The following DNAH10 variants were observed in gnomAD, a reference collection of about 807,000 sequenced individuals.
DNAH10 encodes axonemal beta dynein heavy chain 10.
DNAH10 carries 348 observed loss-of-function variants against 506.6 expected under a neutral mutation model. That is an observed-to-expected ratio of 0.69 (90% CI 0.63 to 0.75). The LOEUF is 0.75. Among genes scored for constraint, DNAH10 ranks in the 30% least tolerant of loss-of-function variants. The probability of loss-of-function intolerance (pLI) is 0.00; values close to 1 mark genes in which losing one functional copy is unlikely to be tolerated. For missense variants in DNAH10, 5,179 were observed against 5,787.1 expected (o/e 0.89, Z 3.41); for synonymous variants, 2,059 against 2,198.6 (o/e 0.94, Z 1.78).
chr12:123,925,233 CT>C lies in DNAH10; in HGVS notation c.11921+32del, dbSNP rs766128344. The stretch of plus-strand genomic sequence containing the variant: ...AGTGTGTCGTTTTGTTGATTTGCCA[CT>C]TTCCGTGGGGTGGAATCTCTAGCGT... On this transcript the variant is annotated intron_variant, in intron 68 of 78. Coordinates refer to ENST00000673944, the MANE Select transcript of DNAH10 (RefSeq NM_001372106.1). This position sits in a 1 kb window ranked among gnomAD's most constrained non-coding sequence, Gnocchi z 4.0. 1 of 1,613,092 alleles carries C rather than the reference CT, an allele frequency of 6.2e-7. No individual in the cohort carries two copies. The highest frequency in any genetic ancestry group is 2.2e-5 in the East Asian group (1 of 44,866).
At position 123,918,903 on chromosome 12, in the gene DNAH10, C is replaced by T; in HGVS notation, c.11460C>T (p.Asn3820=). 1 of 1,613,820 alleles carries T rather than the reference C, an allele frequency of 6.2e-7. No individual in the cohort carries two copies. The highest frequency in any genetic ancestry group is 1.1e-5 in the South Asian group (1 of 91,060). The change falls in exon 65 of 79, where the codon AAC becomes AAT. Residue 3820 remains asparagine (N), a synonymous_variant. Transcript: ENST00000673944. The part of the protein sequence containing the change: ...PDSILMKRLR[N]IMDTLTFSIY... The stretch of plus-strand genomic sequence containing the variant: ...CCATCCTCATGAAACGCCTGAGGAA[C>T]ATCATGGACACGCTGACCTTCAGCA...
intron 57 of DNAH10, among the ~76,000 whole-genome samples, chr12:123,908,077 T>C (rs1351444088): frequency 7.6e-6 from 1 of 130,726 alleles, no homozygotes; most frequent in Non-Finnish European, 1.6e-5. Context: ...GTCTCCTCCC[T>C]GTCTCTCTGT....
chr12:123,931,431 G>C lies in DNAH10; in HGVS notation c.12875G>C (p.Arg4292Pro), dbSNP rs372325504. The change falls in exon 74 of 79, where the codon CGA (arginine) becomes CCA (proline). Residue 4292 changes from arginine to proline, a missense_variant. Transcript: ENST00000673944. ...AEIGYYTQAARDMWAHLLELQ... is the reference protein window; with the variant it reads ...AEIGYYTQAAPDMWAHLLELQ... Reference sequence around the variant, plus strand: ...ATTGGCTATTACACGCAGGCGGCTCGAGACATGTGGGCTCACCTGCTGGAG... The same window carrying C: ...ATTGGCTATTACACGCAGGCGGCTCCAGACATGTGGGCTCACCTGCTGGAG... 1 of 1,613,956 alleles carries C rather than the reference G, an allele frequency of 6.2e-7. No homozygotes were observed.
At position 123,930,151 on chromosome 12, in the gene DNAH10, T is replaced by A. The variant is rs1955139159; in HGVS notation, c.12613-251T>A. 5.8e-6 allele frequency: 3 copies of A among 518,030 alleles called. No homozygotes were observed. The East Asian group carries it at 9.3e-5, about 16-fold the overall frequency. 32.1% of individuals were successfully genotyped at this position (518,030 alleles called of 1,614,324 possible). Reference sequence around the variant, plus strand: ...GATGTGTTTGGGGGACTTTGCCTGCTGCACAGGAGCTCCCAACACTTCCTG... The same window carrying A: ...GATGTGTTTGGGGGACTTTGCCTGCAGCACAGGAGCTCCCAACACTTCCTG... On this transcript the variant is annotated intron_variant, in intron 72 of 78. Transcript: ENST00000673944.
chr12:123,915,952 A>G (rs570157480), intron 62 of DNAH10, among the ~76,000 whole-genome samples: 16 of 152,240 alleles, frequency 1.1e-4, no homozygotes, highest in African/African-American at 3.9e-4. Context: ...ATTATTTTCA[A>G]TTTAGCTTTT....
intron 27 of DNAH10, among the ~76,000 whole-genome samples, chr12:123,834,459 C>T (rs1035906562): frequency 4.6e-5 from 7 of 152,248 alleles, no homozygotes; most frequent in South Asian, 4.2e-4. Context: ...CTGCCCACCT[C>T]GGGCTCCCAA....
At chr12:123,791,973 C>T (rs189169367) in intron 11 of DNAH10, among the ~76,000 whole-genome samples, 14 of 152,048 alleles carry the variant, frequency 9.2e-5, no homozygotes, top group Admixed American at 3.9e-4. Context: ...TGTTGTTAAC[C>T]CCTATATTTT....
intron 1 of DNAH10, among the ~76,000 whole-genome samples, chr12:123,763,855 G>T (rs1224355398): frequency 1.3e-5 from 2 of 148,646 alleles, no homozygotes; most frequent in Non-Finnish European, 3.0e-5. Context: ...TAGCCATCTG[G>T]CACCTGGCCA....
intron 17 of DNAH10, among the ~76,000 whole-genome samples, chr12:123,804,147 T>C (rs573227508): frequency 6.6e-6 from 1 of 152,308 alleles, no homozygotes; most frequent in Admixed American, 6.5e-5. Context: ...CCACCTCATC[T>C]GCGAAAGCCT....
At chr12:123,827,630 C>T (rs376896732) in intron 25 of DNAH10, among the ~76,000 whole-genome samples, 3 of 152,150 alleles carry the variant, frequency 2.0e-5, no homozygotes, top group African/African-American at 4.8e-5. Flanking sequence ...CTCTATTCCT[C>T]GGTCATGTTT....
At chr12:123,910,063 A>G (rs1176055216) in intron 58 of DNAH10, among the ~76,000 whole-genome samples, 2 of 152,260 alleles carry the variant, frequency 1.3e-5, no homozygotes, top group Non-Finnish European at 2.9e-5. Context: ...CTCTTATCAA[A>G]TGCTTTTTCT....
chr12:123,892,911 G>A (rs1229181516), intron 52 of DNAH10, among the ~76,000 whole-genome samples: 1 of 152,186 alleles, frequency 6.6e-6, no homozygotes, highest in Non-Finnish European at 1.5e-5. Flanking sequence ...TTTCCTGGGG[G>A]CAAATCCCAG....
At position 123,830,715 on chromosome 12, in the gene DNAH10, A is replaced by C; in HGVS notation, c.4545+16A>C. 2.5e-6 allele frequency: 4 copies of C among 1,595,838 alleles called. No individual in the cohort carries two copies. Among genetic ancestry groups the C allele is most frequent in the Non-Finnish European group, 3.4e-6 (4 of 1,171,528 alleles). ...CATTGAGAAGGTAAGACTTCAGTTA[A>C]AAACAGGCTGGAGAAAACAGTCTTT... On this transcript the variant is annotated intron_variant, in intron 26 of 78. Coordinates refer to ENST00000673944, the MANE Select transcript of DNAH10 (RefSeq NM_001372106.1).
rs1260454159 is a variant in DNAH10, at chr12:123,813,303, A to G, written c.3284A>G (p.Gln1095Arg). 6.2e-7 allele frequency: 1 copy of G among 1,614,202 alleles called. No individual in the cohort carries two copies. The highest frequency in any genetic ancestry group is 8.5e-7 in the Non-Finnish European group (1 of 1,180,036). The change falls in exon 20 of 79, where the codon CAA becomes CGA. Residue 1095 changes from glutamine to arginine, a missense_variant. By Grantham distance (43) the Gln-to-Arg change is conservative. Transcript: ENST00000673944. ...ATTGAACAAGCTGTTATGATCCCCC[A>G]AAATGTCCACAGGATTCTGATCAAT... ...QIIEQAVMIPQNVHRILINLM... is the reference protein window; with the variant it reads ...QIIEQAVMIPRNVHRILINLM...
In DNAH10 at chr12:123,787,694, G is replaced by T. The variant is rs572265702; in HGVS notation, c.1422-110G>T. The T allele has an allele frequency of 8.9e-6, 12 of 1,349,604 alleles. No individual in the cohort carries two copies. Among genetic ancestry groups the T allele is most frequent in the African/African-American group, 2.9e-5 (2 of 68,092 alleles). 83.6% of individuals were successfully genotyped at this position (1,349,604 alleles called of 1,614,324 possible). ...TTTTCCGATGAGGCCGTGAAACCAG[G>T]GGGGGCGCCCGGGTCAGAGCTTCAC... On this transcript the variant is annotated intron_variant, in intron 9 of 78. Transcript: ENST00000673944. The surrounding 1 kb of genome is among the most constrained non-coding windows in gnomAD (Gnocchi z 4.6).
chr12:123,844,759 C>T (rs1950889726), intron 30 of DNAH10, among the ~76,000 whole-genome samples: 1 of 152,164 alleles, frequency 6.6e-6, no homozygotes, highest in South Asian at 2.1e-4. Flanking sequence ...CCACCTCAGC[C>T]TCCTGAATAG....
Position 123,902,639 on chromosome 12 carries a change from G to GC in DNAH10, c.9641-299dup, listed in dbSNP as rs1953576198. 6.6e-6 allele frequency among the ~76,000 whole-genome samples: 1 copy of GC among 152,182 alleles called. No homozygotes were observed. The highest frequency in any genetic ancestry group is 2.4e-5 in the African/African-American group (1 of 41,438). On this transcript the variant is annotated intron_variant, in intron 56 of 78. Transcript: ENST00000673944. This position sits in a 1 kb window ranked among gnomAD's most constrained non-coding sequence, Gnocchi z 4.5. ...ACCCCAGCATCCTCACTGAACACCGGCGAGGCAGGGCTGGGGGCTATCAGG... is the reference window on the plus strand; with the variant it reads ...ACCCCAGCATCCTCACTGAACACCGGCCGAGGCAGGGCTGGGGGCTATCAGG...
At chr12:123,807,731 AGAG>A (rs1259581603) in intron 18 of DNAH10, among the ~76,000 whole-genome samples, 1 of 147,302 alleles carries the variant, frequency 6.8e-6, no homozygotes, top group Non-Finnish European at 1.5e-5. Context: ...AACTGGAGAA[AGAG>A]GAGGAGAGGG....
Position 123,903,945 on chromosome 12 carries a change from C to G in DNAH10, c.9815+832C>G, listed in dbSNP as rs1229423397. Among the ~76,000 whole-genome samples, 1 of 152,226 alleles carries G rather than the reference C, an allele frequency of 6.6e-6. No homozygotes were observed. The highest frequency in any genetic ancestry group is 6.5e-5 in the Admixed American group (1 of 15,292). On this transcript the variant is annotated intron_variant, in intron 57 of 78. Coordinates refer to ENST00000673944, the MANE Select transcript of DNAH10 (RefSeq NM_001372106.1). The surrounding 1 kb of genome is among the most constrained non-coding windows in gnomAD (Gnocchi z 4.6). Reference sequence around the variant, plus strand: ...ACACACGGGTCTCGCAGCCGAGAGGCTCCGTTCCTGGGTCAGTAATGGGCT... The same window carrying G: ...ACACACGGGTCTCGCAGCCGAGAGGGTCCGTTCCTGGGTCAGTAATGGGCT...
Sources: allele counts gnomAD v4.1 joint callset (sites outside exome capture counted in the v4.1 genomes callset), GRCh38; gene constraint gnomAD v4.1.1; non-coding constraint Gnocchi (gnomAD v3.1); transcripts MANE v1.5; gene names NCBI Gene and HGNC (gene_info 2026-07-23, HGNC 2026-07-21).